FERMT3: variants seen among roughly 807,000 people sequenced by gnomAD.
The protein encoded by FERMT3 is FERM domain containing kindlin 3, also known as fermitin family homolog 3.
A neutral mutation model predicts 80.8 loss-of-function variants in FERMT3; 33 were observed. That is an observed-to-expected ratio of 0.41 (90% CI 0.31 to 0.55). The LOEUF (loss-of-function observed/expected upper bound fraction) is 0.55, where lower values mean the gene tolerates loss of function less well. FERMT3 is among the 20% of genes least tolerant of loss of function. The pLI is 0.31. For synonymous variants in FERMT3, 375 were observed against 372.2 expected, an observed-to-expected ratio of 1.01 and a Z score of -0.09; for missense variants, 754 against 908.7, an observed-to-expected ratio of 0.83 and a Z score of 2.19.
At position 64,211,129 on chromosome 11, in the gene FERMT3, G is replaced by C. The variant is rs777098978; in HGVS notation, c.472G>C (p.Glu158Gln). 1.3e-6 allele frequency: 2 copies of C among 1,556,074 alleles called. No individual in the cohort carries two copies. The highest frequency in any genetic ancestry group is 2.7e-5 in the African/African-American group (2 of 72,956). Residue 158 changes from glutamate (E) to glutamine (Q), a missense_variant, in exon 4 of 15, where the codon GAG (glutamate) becomes CAG (glutamine). Coordinates refer to ENST00000345728, the MANE Select transcript of FERMT3 (RefSeq NM_031471.6). The surrounding 1 kb of genome is among the most constrained non-coding windows in gnomAD (Gnocchi z 4.7). Reference sequence around the variant, plus strand: ...GAAGAAGAAGAAAGAGAAGGAGCCAGAGGAAGAGCTCTATGACTTGAGCAA... The same window carrying C: ...GAAGAAGAAGAAAGAGAAGGAGCCACAGGAAGAGCTCTATGACTTGAGCAA... ...KEKKKKEKEP[E>Q]EELYDLSKVV...
chr11:64,210,490 A>G lies in FERMT3; in HGVS notation c.161-121A>G, dbSNP rs1201386928. On this transcript the variant is annotated intron_variant, in intron 2 of 14. Transcript: ENST00000345728. This position sits in a 1 kb window ranked among gnomAD's most constrained non-coding sequence, Gnocchi z 4.3. ...ACCCCAGGCCCGCCCAGGCTGCCCC[A>G]CTCTTGGCTTAGGCAGGGCAGGGGA... is the stretch of plus-strand genomic sequence containing the variant. 59 of 1,002,666 alleles carry G rather than the reference A, an allele frequency of 5.9e-5. No homozygotes were observed. The highest frequency in any genetic ancestry group is 6.3e-5 in the Non-Finnish European group (41 of 650,326). The allele number at this position is 1,002,666 out of a possible 1,614,324, so 62.1% of individuals were successfully genotyped here.
chr11:64,218,667 C>T lies in FERMT3; in HGVS notation c.787-584C>T, dbSNP rs566296812. Among the ~76,000 whole-genome samples, 7 of 152,330 alleles carry T rather than the reference C, an allele frequency of 4.6e-5. No homozygotes were observed. In the South Asian group the frequency reaches 8.3e-4, roughly 18 times the overall value. On this transcript the variant is annotated intron_variant, in intron 6 of 14. Transcript: ENST00000345728. ...GCTATCAATTTTGGGTGAGTTTCAG[C>T]GGGATTGTTGGTCTTCTGTGGGTAA...
chr11:64,223,242 GA>G (rs1946757774), intron 14 of FERMT3, 53 bp downstream of exon 14: 1 of 1,613,112 alleles, frequency 6.2e-7, no homozygotes, highest in African/African-American at 1.3e-5. Context: ...GCCGGAGCTG[GA>G]TCCAGCCAGG....
chr11:64,215,660 A>G (rs961180063), intron 6 of FERMT3, among the ~76,000 whole-genome samples: 3 of 151,876 alleles, frequency 2.0e-5, no homozygotes, highest in African/African-American at 7.3e-5. Flanking sequence ...TGCAACCTTG[A>G]ACTCCTGGGC....
chr11:64,210,792 C>T lies in FERMT3; in HGVS notation c.342C>T (p.Ala114=). The T allele has an allele frequency of 3.1e-6, 5 of 1,613,918 alleles. No individual in the cohort carries two copies. The highest frequency in any genetic ancestry group is 4.2e-6 in the Non-Finnish European group (5 of 1,180,012). ...ACCGCCGCGCACTGCGCCTCCGTGCCAGCTTCTCCCAGCCCCTCTTCCAGG... is the reference window on the plus strand; with the variant it reads ...ACCGCCGCGCACTGCGCCTCCGTGCTAGCTTCTCCCAGCCCCTCTTCCAGG... ...LPNRRALRLR[A]SFSQPLFQAV... Residue 114 remains alanine, a synonymous_variant, in exon 3 of 15, where the codon GCC becomes GCT. Coordinates refer to ENST00000345728, the MANE Select transcript of FERMT3 (RefSeq NM_031471.6). This position sits in a 1 kb window ranked among gnomAD's most constrained non-coding sequence, Gnocchi z 4.3.
chr11:64,210,614 G>C lies in FERMT3; in HGVS notation c.164G>C (p.Arg55Pro). ...VLLKIVEQIN[R>P]KQDWSDHAIW... Reference sequence around the variant, plus strand: ...GATGTGCCCCCGTGCCCCACAGATCGCAAGCAGGACTGGTCAGACCATGCT... The same window carrying C: ...GATGTGCCCCCGTGCCCCACAGATCCCAAGCAGGACTGGTCAGACCATGCT... The change falls in exon 3 of 15, where the codon CGC (arginine) becomes CCC (proline). Residue 55 changes from arginine (R) to proline (P), a missense_variant. Transcript: ENST00000345728. The surrounding 1 kb of genome is among the most constrained non-coding windows in gnomAD (Gnocchi z 4.3). 6.2e-7 allele frequency: 1 copy of C among 1,613,662 alleles called. No individual in the cohort carries two copies. Among genetic ancestry groups the C allele is most frequent in the Non-Finnish European group, 8.5e-7 (1 of 1,179,634 alleles).
chr11:64,218,195 A>G (rs1392796536), intron 6 of FERMT3, among the ~76,000 whole-genome samples: 1 of 151,808 alleles, frequency 6.6e-6, no homozygotes, highest in African/African-American at 2.4e-5. Flanking sequence ...TAGTAGAGAC[A>G]GGGTTTCACT....
rs544380932 is a variant in FERMT3 at position 64,211,507 on chromosome 11, G to A, written c.683+64G>A. On this transcript the variant is annotated intron_variant, in intron 5 of 14. Transcript: ENST00000345728. The surrounding 1 kb of genome is among the most constrained non-coding windows in gnomAD (Gnocchi z 4.7). ...CCACCCAGGATCCACCCCCTGTCCC[G>A]TGTCTGTGCCCACCCCAGATCCACA... is the stretch of plus-strand genomic sequence containing the variant. 75 of 1,486,676 alleles carry A rather than the reference G, an allele frequency of 5.0e-5. 1 individual carries two copies. The highest frequency in any genetic ancestry group is 1.9e-4 in the African/African-American group (12 of 61,566). The allele number at this position is 1,486,676 out of a possible 1,614,324, so 92.1% of individuals were successfully genotyped here. A position where few individuals can be genotyped will look rare whatever the true frequency, so the allele number is the denominator to read the frequency against.
At chr11:64,216,257 C>T (rs1432821518) in intron 6 of FERMT3, among the ~76,000 whole-genome samples, 6 of 145,294 alleles carry the variant, frequency 4.1e-5, no homozygotes, top group African/African-American at 1.6e-4. Flanking sequence ...AGTGCAATGG[C>T]AAGATCTCGG....
At position 64,211,616 on chromosome 11, in the gene FERMT3, C is replaced by T. The variant is rs746607726; in HGVS notation, c.684-29C>T. Reference sequence around the variant, plus strand: ...CACCCCACGGCCGTACCTGGCGCAGCCCTGACTGCTGCTTCTGCCGCGGCC... The same window carrying T: ...CACCCCACGGCCGTACCTGGCGCAGTCCTGACTGCTGCTTCTGCCGCGGCC... On this transcript the variant is annotated intron_variant, in intron 5 of 14. Transcript: ENST00000345728. This position sits in a 1 kb window ranked among gnomAD's most constrained non-coding sequence, Gnocchi z 4.7. The T allele has an allele frequency of 6.2e-7, 1 of 1,610,554 alleles. No homozygotes were observed. Among genetic ancestry groups the T allele is most frequent in the South Asian group, 1.1e-5 (1 of 90,902 alleles).
intron 6 of FERMT3, among the ~76,000 whole-genome samples, chr11:64,214,955 G>A (rs1317648028): frequency 6.6e-6 from 1 of 151,562 alleles, no homozygotes; most frequent in African/African-American, 2.4e-5. Flanking sequence ...GATGCCCACC[G>A]CCACCATGCC....
rs1459385495 is a variant in FERMT3, at chr11:64,210,060, G to GT, written c.161-550dup. 5.3e-5 allele frequency among the ~76,000 whole-genome samples: 8 copies of GT among 152,192 alleles called. No homozygotes were observed. Among genetic ancestry groups the GT allele is most frequent in the African/African-American group, 1.7e-4 (7 of 41,444 alleles). The stretch of plus-strand genomic sequence containing the variant: ...GAGGCCTTGTTCCGTGTCCCAGTTT[G>GT]TAAGATCGTTATTGTATCTTACAGG... On this transcript the variant is annotated intron_variant, in intron 2 of 14. Transcript: ENST00000345728. The surrounding 1 kb of genome is among the most constrained non-coding windows in gnomAD (Gnocchi z 4.3).
chr11:64,207,040 G>C (rs1005583959), intron 1 of FERMT3, among the ~76,000 whole-genome samples: 1 of 152,164 alleles, frequency 6.6e-6, no homozygotes, highest in African/African-American at 2.4e-5. Context: ...TGAGGGTCTG[G>C]GAGTGAGCTG....
At chr11:64,209,512 C>T (rs1477345190) in intron 2 of FERMT3, among the ~76,000 whole-genome samples, 1 of 152,110 alleles carries the variant, frequency 6.6e-6, no homozygotes, top group Non-Finnish European at 1.5e-5. Context: ...AGGGGCCGGT[C>T]AGGAGAGGGA....
Position 64,211,850 on chromosome 11 carries a change from C to A in FERMT3, c.786+103C>A. 1 of 1,103,952 alleles carries A rather than the reference C, an allele frequency of 9.1e-7. No homozygotes were observed. The highest frequency in any genetic ancestry group is 1.4e-6 in the Non-Finnish European group (1 of 732,190). 68.4% of individuals were successfully genotyped at this position (1,103,952 alleles called of 1,614,324 possible). A position where few individuals can be genotyped will look rare whatever the true frequency, so the allele number is the denominator to read the frequency against. On this transcript the variant is annotated intron_variant, in intron 6 of 14. Coordinates refer to ENST00000345728, the MANE Select transcript of FERMT3 (RefSeq NM_031471.6). The surrounding 1 kb of genome is among the most constrained non-coding windows in gnomAD (Gnocchi z 4.7). ...ATGTTAGTGACTTGTAGTGGCCTGTCCGTCTGCCCGTTTGTCCATCCACAC... is the reference window on the plus strand; with the variant it reads ...ATGTTAGTGACTTGTAGTGGCCTGTACGTCTGCCCGTTTGTCCATCCACAC...
chr11:64,220,684 C>G lies in FERMT3; in HGVS notation c.1545+15C>G, dbSNP rs1344591810. ...AGGCCAAGCAGGTACCAGAAGGCGTCAGGGTGGGAATGAGCATAGTGTTTA... is the reference window on the plus strand; with the variant it reads ...AGGCCAAGCAGGTACCAGAAGGCGTGAGGGTGGGAATGAGCATAGTGTTTA... On this transcript the variant is annotated intron_variant, in intron 12 of 14. Coordinates refer to ENST00000345728, the MANE Select transcript of FERMT3 (RefSeq NM_031471.6). 1.2e-6 allele frequency: 2 copies of G among 1,600,340 alleles called. No homozygotes were observed. The highest frequency in any genetic ancestry group is 1.3e-5 in the African/African-American group (1 of 74,574).
At chr11:64,213,563 T>TC in intron 6 of FERMT3, among the ~76,000 whole-genome samples, 1 of 148,908 alleles carries the variant, frequency 6.7e-6, no homozygotes, top group East Asian at 2.0e-4. Flanking sequence ...TAATTTTTTT[T>TC]TTTTTTTTTT....
Position 64,207,375 on chromosome 11 carries a change from T to G in FERMT3, c.11T>G (p.Met4Arg). 5 of 1,614,114 alleles carry G rather than the reference T, an allele frequency of 3.1e-6. No individual in the cohort carries two copies. Among genetic ancestry groups the G allele is most frequent in the Non-Finnish European group, 4.2e-6 (5 of 1,180,022 alleles). The change falls in exon 2 of 15, where the codon ATG (methionine) becomes AGG (arginine). Residue 4 changes from methionine to arginine, a missense_variant. By Grantham distance (91) the Met-to-Arg change is moderately conservative. Coordinates refer to ENST00000345728, the MANE Select transcript of FERMT3 (RefSeq NM_031471.6). The part of the protein sequence containing the change: MAG[M>R]KTASGDYIDS... ...GCAGCAGCCGCAGCCATGGCGGGGA[T>G]GAAGACAGCCTCCGGGGACTACATC...
chr11:64,215,672 C>G (rs1475505620), intron 6 of FERMT3, among the ~76,000 whole-genome samples: 3 of 152,140 alleles, frequency 2.0e-5, no homozygotes, highest in Non-Finnish European at 4.4e-5. Flanking sequence ...CTCCTGGGCT[C>G]AAGCAATCTT....
Sources: gnomAD v4.1 joint callset for allele counts (sites outside exome capture counted in the v4.1 genomes callset) on GRCh38, gnomAD v4.1.1 for gene constraint, Gnocchi (gnomAD v3.1) non-coding constraint, MANE v1.5 for transcripts, NCBI Gene and HGNC (gene_info 2026-07-23, HGNC 2026-07-21) for gene names.